Variants in SPATA6L observed in about 807,000 individuals in gnomAD.
The protein encoded by SPATA6L is spermatogenesis associated 6 like, also known as spermatogenesis associated 6-like protein.
A neutral mutation model predicts 49.2 loss-of-function variants in SPATA6L; 68 were observed. That is an observed-to-expected ratio of 1.38 (90% CI 1.14 to 1.69). The LOEUF is 1.69. SPATA6L is among the 40% of genes most tolerant of loss of function. The probability of loss-of-function intolerance (pLI) is 0.00; values close to 1 mark genes in which losing one functional copy is unlikely to be tolerated. For synonymous variants in SPATA6L, 198 were observed against 165.7 expected (o/e 1.19, Z -1.50); for missense variants, 668 against 464.3 (o/e 1.44, Z -4.03).
downstream of SPATA6L, among the ~76,000 whole-genome samples, chr9:4,597,477 T>C (rs1227166552): frequency 6.6e-6 from 1 of 152,036 alleles, no homozygotes; most frequent in Admixed American, 6.6e-5. Context: ...TTGAAGAAGC[T>C]CCATCAACTC....
rs59184426 is a variant in SPATA6L at position 4,650,824 on chromosome 9, T to TTGTGTGTG, written c.226+5209_226+5216dup. Among the ~76,000 whole-genome samples the TTGTGTGTG allele has an allele frequency of 9.5e-5, 13 of 137,144 alleles. No individual in the cohort carries two copies. The East Asian group carries it at 1.1e-3, about 11-fold the overall frequency. The allele number at this position is 137,144 out of a possible 152,430, so 90.0% of individuals were successfully genotyped here. A position where few individuals can be genotyped will look rare whatever the true frequency, so the allele number is the denominator to read the frequency against. On this transcript the variant is annotated intron_variant, in intron 3 of 11. Coordinates refer to ENST00000682582, the MANE Select transcript of SPATA6L (RefSeq NM_001353486.2). Reference sequence around the variant, plus strand: ...ACAGGCAAGCACCACCAAACCCAGCTTGTGTGTGTGTGTGTGTGTGTGTGT... The same window carrying TTGTGTGTG: ...ACAGGCAAGCACCACCAAACCCAGCTTGTGTGTGTGTGTGTGTGTGTGTGTGTGTGTGT...
intron 3 of SPATA6L, among the ~76,000 whole-genome samples, chr9:4,636,216 T>C (rs1832778836): frequency 6.6e-6 from 1 of 152,228 alleles, no homozygotes; most frequent in Non-Finnish European, 1.5e-5. Context: ...CCAGACCTGT[T>C]TGATATTTTG....
At chr9:4,602,755 A>C (rs922737257) in intron 11 of SPATA6L, among the ~76,000 whole-genome samples, 7 of 152,188 alleles carry the variant, frequency 4.6e-5, no homozygotes, top group African/African-American at 1.7e-4. Context: ...TCTAGCTTTG[A>C]AAATGCAATA....
chr9:4,595,992 A>G (rs1284551412), downstream of SPATA6L, among the ~76,000 whole-genome samples: 1 of 152,186 alleles, frequency 6.6e-6, no homozygotes, highest in East Asian at 1.9e-4. Flanking sequence ...ATGGGGTGTT[A>G]CATGCTCCAC....
intron 3 of SPATA6L, among the ~76,000 whole-genome samples, chr9:4,639,337 A>G (rs1833538298): frequency 6.6e-6 from 1 of 152,174 alleles, no homozygotes; most frequent in African/African-American, 2.4e-5. Context: ...TTGTCCCTGC[A>G]TCTAAAGGAT....
At chr9:4,602,369 G>C (rs1163739845) in intron 11 of SPATA6L, among the ~76,000 whole-genome samples, 2 of 152,230 alleles carry the variant, frequency 1.3e-5, no homozygotes, top group East Asian at 3.9e-4. Context: ...CTTTAATCTA[G>C]CAAGCAGAAC....
At chr9:4,623,246 C>T (rs1339990344) in intron 6 of SPATA6L, among the ~76,000 whole-genome samples, 1 of 152,102 alleles carries the variant, frequency 6.6e-6, no homozygotes, top group East Asian at 1.9e-4. Flanking sequence ...TGCCATTGTA[C>T]TCCAGCCTGG....
Position 4,599,605 on chromosome 9 carries a change from G to A in SPATA6L, c.*1206C>T, listed in dbSNP as rs1310342739. ...CTGGAAGCTGGGAAGTCCAAGATCA[G>A]AATGTTGGCAGATGCAGAATCTGGT... On this transcript the variant is annotated 3_prime_UTR_variant, in exon 12 of 12. Coordinates refer to ENST00000682582, the MANE Select transcript of SPATA6L (RefSeq NM_001353486.2). Among the ~76,000 whole-genome samples the A allele has an allele frequency of 1.3e-5, 2 of 152,210 alleles. No individual in the cohort carries two copies. The highest frequency in any genetic ancestry group is 4.8e-5 in the African/African-American group (2 of 41,448).
At chr9:4,603,739 T>A (rs1484937722) in intron 11 of SPATA6L, among the ~76,000 whole-genome samples, 1 of 152,066 alleles carries the variant, frequency 6.6e-6, no homozygotes, top group African/African-American at 2.4e-5. Flanking sequence ...GAAGGAAAAA[T>A]GCTGTGTACT....
At chr9:4,655,128 A>T (rs1178144441) in intron 3 of SPATA6L, among the ~76,000 whole-genome samples, 1 of 152,248 alleles carries the variant, frequency 6.6e-6, no homozygotes, top group Non-Finnish European at 1.5e-5. Context: ...CATAGCCTAA[A>T]AGTGGAAACA....
At chr9:4,626,699 A>ATATATATCAGG in intron 5 of SPATA6L, 1 of 592,450 alleles carries the variant, frequency 1.7e-6, no homozygotes. Flanking sequence ...TGGTTTCCTG[A>ATATATATCAGG]CTGGACCCTG....
rs1483082404 is a variant in SPATA6L, at chr9:4,641,934, A to AT, written c.227-6536dup. On this transcript the variant is annotated intron_variant, in intron 3 of 11. Transcript: ENST00000682582. ...AGGCATGCACCAGCACACATAGCTAATTTTTTTATTTTCAGTAGAGATGAG... is the reference window on the plus strand; with the variant it reads ...AGGCATGCACCAGCACACATAGCTAATTTTTTTTATTTTCAGTAGAGATGAG... Among the ~76,000 whole-genome samples, 6 of 152,078 alleles carry AT rather than the reference A, an allele frequency of 3.9e-5. No homozygotes were observed. The East Asian group carries it at 5.8e-4, about 15-fold the overall frequency.
rs1449771950 is a variant in SPATA6L at position 4,598,855 on chromosome 9, A to G, written c.*1956T>C. ...ATAGTTTCAGAGAGACTGAGAACAT[A>G]TTAGCATATGTAATTTAAGCTTGCT... On this transcript the variant is annotated 3_prime_UTR_variant, in exon 12 of 12. Coordinates refer to ENST00000682582, the MANE Select transcript of SPATA6L (RefSeq NM_001353486.2). Among the ~76,000 whole-genome samples, 1 of 152,252 alleles carries G rather than the reference A, an allele frequency of 6.6e-6. No individual in the cohort carries two copies.
downstream of SPATA6L, among the ~76,000 whole-genome samples, chr9:4,596,891 C>A (rs1822303727): frequency 6.6e-6 from 1 of 152,094 alleles, no homozygotes; most frequent in Admixed American, 6.5e-5. Context: ...CTTTTCTGAG[C>A]CTCAGTGTCC....
In SPATA6L at chr9:4,599,159, G is replaced by A. The variant is rs180935023; in HGVS notation, c.*1652C>T. Among the ~76,000 whole-genome samples the A allele has an allele frequency of 4.6e-5, 7 of 152,116 alleles. No individual in the cohort carries two copies. Among genetic ancestry groups the A allele is most frequent in the Non-Finnish European group, 1.0e-4 (7 of 68,016 alleles). ...AATTTGGAGCATGAAACAAAGTTTCGAATGCATTTGACTGCACCCTGCCAC... is the reference window on the plus strand; with the variant it reads ...AATTTGGAGCATGAAACAAAGTTTCAAATGCATTTGACTGCACCCTGCCAC... On this transcript the variant is annotated 3_prime_UTR_variant, in exon 12 of 12. Transcript: ENST00000682582.
At chr9:4,656,701 G>C (rs1467326652) in intron 2 of SPATA6L, among the ~76,000 whole-genome samples, 1 of 152,208 alleles carries the variant, frequency 6.6e-6, no homozygotes, top group African/African-American at 2.4e-5. Context: ...TCTACCACAT[G>C]CTAAAAATAT....
At chr9:4,657,163 G>C (rs1483602892) in intron 2 of SPATA6L, among the ~76,000 whole-genome samples, 1 of 151,982 alleles carries the variant, frequency 6.6e-6, no homozygotes, top group Non-Finnish European at 1.5e-5. Context: ...TTTCAGCAGA[G>C]CTTGATTTCA....
At position 4,662,646 on chromosome 9, in the gene SPATA6L, C is replaced by A. The variant is rs779161339; in HGVS notation, c.40-610G>T. ...CGCGCCTCCGCTGCCCGAGGAGGAC[C>A]GCATGGACTTGAACCCGTCCTTCCT... On this transcript the variant is annotated intron_variant, in intron 1 of 11. Coordinates refer to ENST00000682582, the MANE Select transcript of SPATA6L (RefSeq NM_001353486.2). This position sits in a 1 kb window ranked among gnomAD's most constrained non-coding sequence, Gnocchi z 4.9. 13 of 1,599,340 alleles carry A rather than the reference C, an allele frequency of 8.1e-6. No homozygotes were observed. In the Admixed American group the frequency reaches 1.3e-4, roughly 16 times the overall value.
chr9:4,592,010 C>G (rs1349453537), intron 13 of SPATA6L, among the ~76,000 whole-genome samples: 1 of 152,018 alleles, frequency 6.6e-6, no homozygotes, highest in East Asian at 1.9e-4. Flanking sequence ...GTCCTGAGCC[C>G]AGAAGGAAAA....
Sources: gnomAD v4.1 joint callset for allele counts (sites outside exome capture counted in the v4.1 genomes callset) on GRCh38, gnomAD v4.1.1 for gene constraint, Gnocchi (gnomAD v3.1) non-coding constraint, MANE v1.5 for transcripts, NCBI Gene and HGNC (gene_info 2026-07-23, HGNC 2026-07-21) for gene names.